CMSS1: variants seen among roughly 807,000 people sequenced by gnomAD.
CMSS1 encodes the protein cms1 ribosomal small subunit homolog, also known as protein CMSS1.
In CMSS1, 33 loss-of-function variants were observed where a neutral mutation model predicts 43.5. That is an observed-to-expected ratio of 0.76 (90% CI 0.57 to 1.01). CMSS1 has a LOEUF of 1.01. CMSS1 is among the 50% of genes least tolerant of loss of function. The pLI is 0.00. For synonymous variants in CMSS1, 115 were observed against 117.2 expected, an observed-to-expected ratio of 0.98 and a Z score of 0.12; for missense variants, 313 against 326.4, an observed-to-expected ratio of 0.96 and a Z score of 0.32.
chr3:100,123,458 TAAAA>T, intron 1 of CMSS1, among the ~76,000 whole-genome samples: 1 of 152,292 alleles, frequency 6.6e-6, no homozygotes, highest in Non-Finnish European at 1.5e-5. Flanking sequence ...ATTTTAAGTA[TAAAA>T]GCAGACTGCT....
At chr3:99,935,758 A>C (rs1707645456) in intron 1 of CMSS1, among the ~76,000 whole-genome samples, 1 of 152,220 alleles carries the variant, frequency 6.6e-6, no homozygotes, top group African/African-American at 2.4e-5. Flanking sequence ...TGCAGTTGGC[A>C]GTGAGAAGTA....
intron 1 of CMSS1, among the ~76,000 whole-genome samples, chr3:99,943,143 TAAC>T (rs1042841393): frequency 1.3e-5 from 2 of 152,150 alleles, no homozygotes; most frequent in African/African-American, 4.8e-5. Context: ...TAATTTCTGA[TAAC>T]AAGAACAGGT....
At chr3:100,009,077 A>C (rs1385467621) in intron 1 of CMSS1, among the ~76,000 whole-genome samples, 1 of 152,216 alleles carries the variant, frequency 6.6e-6, no homozygotes, top group Non-Finnish European at 1.5e-5. Context: ...GTAGACTTAA[A>C]AGGAAAAATA....
chr3:100,034,073 G>A lies in CMSS1; in HGVS notation c.65-112900G>A, dbSNP rs958527590. Among the ~76,000 whole-genome samples the A allele has an allele frequency of 1.8e-4, 27 of 152,236 alleles. No individual in the cohort carries two copies. The East Asian group carries it at 5.0e-3, about 28-fold the overall frequency. ...GTTATTTTGCTTACATTAGTGACCC[G>A]TTAATACACTTAAGAAAAGAAGTAA... On this transcript the variant is annotated intron_variant, in intron 1 of 9. Coordinates refer to ENST00000421999, the MANE Select transcript of CMSS1 (RefSeq NM_032359.4).
intron 2 of CMSS1, among the ~76,000 whole-genome samples, chr3:100,158,890 C>T (rs2066999356): frequency 1.3e-5 from 2 of 152,226 alleles, no homozygotes; most frequent in Admixed American, 1.3e-4. Flanking sequence ...TCGAGAACAC[C>T]TCCATACGTT....
intron 1 of CMSS1, among the ~76,000 whole-genome samples, chr3:100,108,660 A>G (rs927350599): frequency 5.9e-5 from 9 of 151,718 alleles, no homozygotes; most frequent in Middle Eastern, 3.4e-3. Flanking sequence ...CTGTGTTACA[A>G]TTCCGAGATC....
At chr3:99,824,556 A>G (rs1942501588) in intron 1 of CMSS1, among the ~76,000 whole-genome samples, 1 of 152,244 alleles carries the variant, frequency 6.6e-6, no homozygotes, top group Non-Finnish European at 1.5e-5. Flanking sequence ...CCAATTAATT[A>G]TTAATATTTC....
At chr3:100,045,839 A>G (rs1171023000) in intron 1 of CMSS1, among the ~76,000 whole-genome samples, 1 of 152,184 alleles carries the variant, frequency 6.6e-6, no homozygotes, top group Non-Finnish European at 1.5e-5. Flanking sequence ...GGCATTCCTA[A>G]TGATGATAAT....
intron 2 of CMSS1, among the ~76,000 whole-genome samples, chr3:100,155,812 A>G (rs961408445): frequency 1.3e-5 from 2 of 152,222 alleles, no homozygotes; most frequent in African/African-American, 4.8e-5. Context: ...ATAATTTTGA[A>G]AGCATCATTC....
rs145049326 is a variant in CMSS1 at position 99,958,344 on chromosome 3, G to A, written c.64+140301G>A. ...CCCAGGGTCTATTTTTAACTGCCAC[G>A]GCTTGAGCAGAGCCATGAAGAGAGA... is the stretch of plus-strand genomic sequence containing the variant. On this transcript the variant is annotated intron_variant, in intron 1 of 9. Coordinates refer to ENST00000421999, the MANE Select transcript of CMSS1 (RefSeq NM_032359.4). Among the ~76,000 whole-genome samples, 689 of 151,770 alleles carry A rather than the reference G, an allele frequency of 4.5e-3. 7 individuals are homozygous for A. The highest frequency in any genetic ancestry group is 0.016 in the African/African-American group (655 of 41,370).
intron 1 of CMSS1, chr3:99,930,067 TC>T: frequency 6.5e-7 from 1 of 1,538,484 alleles, no homozygotes; most frequent in Non-Finnish European, 8.8e-7. Flanking sequence ...GCCTGCTGTC[TC>T]TACCAGCAGT....
chr3:100,050,587 A>G (rs565565942), intron 1 of CMSS1, among the ~76,000 whole-genome samples: 1 of 152,256 alleles, frequency 6.6e-6, no homozygotes, highest in African/African-American at 2.4e-5. Flanking sequence ...GCTGGAGTGC[A>G]GTGGTACAAT....
chr3:100,111,527 A>G (rs771759881), intron 1 of CMSS1, among the ~76,000 whole-genome samples: 1 of 152,202 alleles, frequency 6.6e-6, no homozygotes, highest in East Asian at 1.9e-4. Context: ...CCTTGTAGGT[A>G]TAAATGACAT....
At chr3:99,950,065 G>C (rs1402914614) in intron 1 of CMSS1, among the ~76,000 whole-genome samples, 1 of 152,180 alleles carries the variant, frequency 6.6e-6, no homozygotes, top group East Asian at 1.9e-4. Context: ...TGGGGACAAG[G>C]TCATTTTAAG....
intron 1 of CMSS1, among the ~76,000 whole-genome samples, chr3:100,131,843 C>A (rs2066711000): frequency 1.3e-5 from 2 of 152,142 alleles, no homozygotes; most frequent in South Asian, 4.1e-4. Flanking sequence ...AAGGAAGAAT[C>A]ATTTGGCAAG....
intron 1 of CMSS1, among the ~76,000 whole-genome samples, chr3:99,904,608 T>C (rs1410264562): frequency 1.3e-5 from 2 of 152,202 alleles, no homozygotes; most frequent in African/African-American, 4.8e-5. Context: ...TCTCTTTTTT[T>C]TGTTTTTTTG....
At chr3:100,066,076 T>A (rs1559745714) in intron 1 of CMSS1, among the ~76,000 whole-genome samples, 2 of 152,236 alleles carry the variant, frequency 1.3e-5, no homozygotes, top group Non-Finnish European at 2.9e-5. Flanking sequence ...ATAAGAGAAC[T>A]TAGAGAGATG....
intron 1 of CMSS1, among the ~76,000 whole-genome samples, chr3:100,056,737 C>T (rs567350504): frequency 2.0e-5 from 3 of 151,422 alleles, no homozygotes; most frequent in Middle Eastern, 3.2e-3. Context: ...CGGTGGCTCA[C>T]GCCTGTAATC....
At chr3:100,132,548 G>A (rs949363050) in intron 1 of CMSS1, among the ~76,000 whole-genome samples, 7 of 151,962 alleles carry the variant, frequency 4.6e-5, no homozygotes, top group Admixed American at 1.3e-4. Context: ...GGCCAGGTGC[G>A]GTGGCTCACG....
Sources: allele counts gnomAD v4.1 joint callset (sites outside exome capture counted in the v4.1 genomes callset), GRCh38; gene constraint gnomAD v4.1.1; transcripts MANE v1.5; gene names NCBI Gene and HGNC (gene_info 2026-07-23, HGNC 2026-07-21).